The following CDH18 variants were observed in gnomAD, a reference collection of about 807,000 sequenced individuals.
CDH18 encodes cadherin-18.
In CDH18, 31 loss-of-function variants were observed where a neutral mutation model predicts 67.9. The observed-to-expected ratio is 0.46, with a 90% confidence interval of 0.34 to 0.62. The LOEUF (loss-of-function observed/expected upper bound fraction) is 0.62, where lower values mean the gene tolerates loss of function less well. Among genes scored for constraint, CDH18 ranks in the 20% least tolerant of loss-of-function variants. The probability of loss-of-function intolerance (pLI) is 0.01; values close to 1 mark genes in which losing one functional copy is unlikely to be tolerated. For missense variants in CDH18, 890 were observed against 975.5 expected (o/e 0.91, Z 1.17); for synonymous variants, 362 against 347.2 (o/e 1.04, Z -0.48).
At chr5:20,292,331 T>C (rs1369644898) in intron 1 of CDH18, among the ~76,000 whole-genome samples, 1 of 152,116 alleles carries the variant, frequency 6.6e-6, no homozygotes, top group Non-Finnish European at 1.5e-5. Flanking sequence ...GTAATTGGAT[T>C]TGAGGATAGA....
chr5:20,145,075 G>T lies in CDH18; in HGVS notation c.-518+110369C>A, dbSNP rs550273953. ...TTCTGTTGTTTCAGCTACCCTGTTT[G>T]TGCTCTTTGCTATGGCAATCCTCAA... On this transcript the variant is annotated intron_variant, in intron 2 of 14. Coordinates refer to the CDH18 transcript ENST00000507958. 2.4e-4 allele frequency among the ~76,000 whole-genome samples: 36 copies of T among 152,156 alleles called. No individual in the cohort carries two copies. The Middle Eastern group carries it at 0.01, about 43-fold the overall frequency.
intron 3 of CDH18, among the ~76,000 whole-genome samples, chr5:19,832,686 T>A (rs1201289489): frequency 6.6e-6 from 1 of 152,172 alleles, no homozygotes; most frequent in African/African-American, 2.4e-5. Context: ...CTTTAGTCCA[T>A]CTTGAGTTAA....
chr5:20,546,748 T>TACACACACACACACACACACACAC (rs72287076), intron 1 of CDH18, among the ~76,000 whole-genome samples: 1 of 141,386 alleles, frequency 7.1e-6, no homozygotes, highest in African/African-American at 2.7e-5. Flanking sequence ...CATACATACA[T>TACACACACACACACACACACACAC]AGACACACAC....
intron 1 of CDH18, among the ~76,000 whole-genome samples, chr5:20,559,554 C>T (rs114558732): frequency 0.01 from 1,552 of 152,030 alleles, 19 homozygotes; most frequent in African/African-American, 0.035. Flanking sequence ...ACATGGCTCA[C>T]GGGACTTAGT....
At chr5:19,983,631 T>A (rs895256310) in intron 1 of CDH18, among the ~76,000 whole-genome samples, 20 of 152,160 alleles carry the variant, frequency 1.3e-4, no homozygotes, top group African/African-American at 4.8e-4. Flanking sequence ...AATTTATATA[T>A]CAGAACTTTC....
chr5:19,704,454 T>A (rs547524766), intron 5 of CDH18, among the ~76,000 whole-genome samples: 16 of 152,296 alleles, frequency 1.1e-4, no homozygotes, highest in African/African-American at 3.6e-4. Context: ...GCACAAGTTC[T>A]AATTCCAGAG....
At chr5:19,720,685 C>T (rs1765972780) in intron 5 of CDH18, among the ~76,000 whole-genome samples, 1 of 151,878 alleles carries the variant, frequency 6.6e-6, no homozygotes, top group African/African-American at 2.4e-5. Context: ...ATATGATTGA[C>T]ATGATATGAT....
At chr5:20,146,713 T>C (rs1750677356) in intron 2 of CDH18, among the ~76,000 whole-genome samples, 1 of 151,966 alleles carries the variant, frequency 6.6e-6, no homozygotes, top group African/African-American at 2.4e-5. Flanking sequence ...TAATAAATGA[T>C]AGAAATAACA....
chr5:20,202,300 G>C (rs1423459865), intron 2 of CDH18, among the ~76,000 whole-genome samples: 1 of 152,054 alleles, frequency 6.6e-6, no homozygotes, highest in Admixed American at 6.6e-5. Flanking sequence ...AGAACTATTA[G>C]TTTCTTTTGT....
intron 2 of CDH18, among the ~76,000 whole-genome samples, chr5:19,853,326 C>T (rs763550493): frequency 6.6e-6 from 1 of 152,084 alleles, no homozygotes; most frequent in African/African-American, 2.4e-5. Flanking sequence ...GACACCAATG[C>T]TATTAGAGCA....
intron 2 of CDH18, among the ~76,000 whole-genome samples, chr5:19,844,367 G>A (rs1488448790): frequency 6.6e-6 from 1 of 152,030 alleles, no homozygotes. Context: ...GAGATCTGAT[G>A]ATTTTATAAG....
chr5:19,633,815 A>G (rs140912820), intron 5 of CDH18, among the ~76,000 whole-genome samples: 1 of 152,088 alleles, frequency 6.6e-6, no homozygotes, highest in East Asian at 1.9e-4. Context: ...TATTTTCAGT[A>G]GAGAAGGGGT....
Position 19,659,588 on chromosome 5 carries a change from T to C in CDH18, c.644-46987A>G, listed in dbSNP as rs993069772. Among the ~76,000 whole-genome samples the C allele has an allele frequency of 4.6e-5, 7 of 152,250 alleles. No individual in the cohort carries two copies. The South Asian group carries it at 6.2e-4, about 14-fold the overall frequency. On this transcript the variant is annotated intron_variant, in intron 5 of 12. Transcript: ENST00000382275. The stretch of plus-strand genomic sequence containing the variant: ...AAGATTTACATTGAAATTTAATCTC[T>C]AATACAATAGTATTAAGAGGCGGGG...
rs542304705 is a variant in CDH18, at chr5:19,949,845, C to T, written c.-257+31215G>A. On this transcript the variant is annotated intron_variant, in intron 2 of 12. Coordinates refer to ENST00000382275, the MANE Select transcript of CDH18 (RefSeq NM_004934.5). ...AGGAATCTCACTACTTGGAATCTAC[C>T]CAGAGGAAAAGAAGTCATTATGTGA... 2.6e-5 allele frequency among the ~76,000 whole-genome samples: 4 copies of T among 151,770 alleles called. No homozygotes were observed. In the East Asian group the frequency reaches 5.8e-4, roughly 22 times the overall value.
At chr5:19,614,162 G>T (rs1449824802) in intron 5 of CDH18, among the ~76,000 whole-genome samples, 1 of 151,784 alleles carries the variant, frequency 6.6e-6, no homozygotes, top group Non-Finnish European at 1.5e-5. Context: ...AGTATTCAAT[G>T]ACTTGTTTTG....
intron 1 of CDH18, among the ~76,000 whole-genome samples, chr5:20,366,117 C>T (rs1423560511): frequency 6.6e-6 from 1 of 152,118 alleles, no homozygotes; most frequent in Non-Finnish European, 1.5e-5. Context: ...AACACAATAA[C>T]CTGATTGATT....
At chr5:19,845,560 C>A (rs1782839131) in intron 2 of CDH18, among the ~76,000 whole-genome samples, 1 of 151,790 alleles carries the variant, frequency 6.6e-6, no homozygotes, top group Admixed American at 6.6e-5. Flanking sequence ...TTCTCTGTTT[C>A]TTTATTGATT....
At chr5:19,627,465 T>C (rs961938532) in intron 5 of CDH18, among the ~76,000 whole-genome samples, 4 of 152,200 alleles carry the variant, frequency 2.6e-5, no homozygotes, top group Admixed American at 1.3e-4. Context: ...TTATTTGCAA[T>C]AAAATATTAT....
rs1287507809 is a variant in CDH18, at chr5:19,571,712, C to T, written c.1120G>A (p.Val374Ile). The change falls in exon 8 of 13, where the codon GTT becomes ATT. Residue 374 changes from valine (V) to isoleucine (I), a missense_variant. Val to Ile is a conservative substitution (Grantham distance 29). This residue lies in a region of CDH18 where 656 missense variants were observed against 668.1 expected (regional missense o/e 0.98). Transcript: ENST00000382275. ...FKDATMLKIIVGDVDEPPLFS... is the reference protein window; with the variant it reads ...FKDATMLKIIIGDVDEPPLFS... Reference sequence around the variant, plus strand: ...AGTGGTGGTTCATCTACATCCCCAACAATGATCTTCAGCATAGTAGCATCT... The same window carrying T: ...AGTGGTGGTTCATCTACATCCCCAATAATGATCTTCAGCATAGTAGCATCT... 6.2e-7 allele frequency: 1 copy of T among 1,613,942 alleles called. No individual in the cohort carries two copies. Among genetic ancestry groups the T allele is most frequent in the Non-Finnish European group, 8.5e-7 (1 of 1,179,928 alleles).
Sources: allele counts gnomAD v4.1 joint callset (sites outside exome capture counted in the v4.1 genomes callset), GRCh38; gene constraint gnomAD v4.1.1; regional missense constraint gnomAD v4.1.1; transcripts MANE v1.5; gene names NCBI Gene and HGNC (gene_info 2026-07-23, HGNC 2026-07-21).